The following TSSK2 variants were observed in gnomAD, a reference collection of about 807,000 sequenced individuals.
TSSK2 encodes testis specific serine kinase 2.
In TSSK2, 5 loss-of-function variants were observed where a neutral mutation model predicts 14.2. The observed-to-expected ratio is 0.35, with a 90% CI of 0.18 to 0.74. The LOEUF is 0.74. Among genes scored for constraint, TSSK2 ranks in the 30% least tolerant of loss-of-function variants. The pLI is 0.56. For synonymous variants in TSSK2, 209 were observed against 201.9 expected (o/e 1.04, Z -0.30); for missense variants, 439 against 491.1 (o/e 0.89, Z 1.00).
In TSSK2 at chr22:19,131,363, G is replaced by T; in HGVS notation, c.-37G>T. ...TGCCTGCTGGCCCACATGACGGGGGGATGTAGACGGCAGCGGCGCCAGTCG... is the reference window on the plus strand; with the variant it reads ...TGCCTGCTGGCCCACATGACGGGGGTATGTAGACGGCAGCGGCGCCAGTCG... On this transcript the variant is annotated 5_prime_UTR_variant, in exon 1 of 1. Coordinates refer to ENST00000399635, the MANE Select transcript of TSSK2 (RefSeq NM_053006.5). The surrounding 1 kb of genome is among the most constrained non-coding windows in gnomAD (Gnocchi z 5.7). 1 of 1,531,010 alleles carries T rather than the reference G, an allele frequency of 6.5e-7. No homozygotes were observed. Among genetic ancestry groups the T allele is most frequent in the Non-Finnish European group, 8.9e-7 (1 of 1,126,868 alleles). 94.8% of individuals were successfully genotyped at this position (1,531,010 alleles called of 1,614,324 possible).
In TSSK2 at chr22:19,132,131, G is replaced by A; in HGVS notation, c.732G>A (p.Glu244=). ...DFPRSKNLTC[E]CKDLIYRMLQ... is the part of the protein sequence containing the mutation. ...CGCGCTCCAAGAACCTGACCTGCGA[G>A]TGCAAGGACCTCATCTACCGCATGC... Residue 244 remains glutamate, a synonymous_variant, in exon 1 of 1, where the codon GAG becomes GAA. Transcript: ENST00000399635. The surrounding 1 kb of genome is among the most constrained non-coding windows in gnomAD (Gnocchi z 4.2). 6.2e-7 allele frequency: 1 copy of A among 1,612,860 alleles called. No homozygotes were observed.
In TSSK2 at chr22:19,132,281, C is replaced by T. The variant is rs759143051; in HGVS notation, c.882C>T (p.Arg294=). 12 of 1,613,444 alleles carry T rather than the reference C, an allele frequency of 7.4e-6. No individual in the cohort carries two copies. Among genetic ancestry groups the T allele is most frequent in the East Asian group, 4.5e-5 (2 of 44,870 alleles). The part of the protein sequence containing the change: ...SFKREGEGKY[R]AECKLDTKTG... ...AGAGGGAGGGGGAGGGCAAGTACCG[C>T]GCTGAGTGCAAACTGGACACCAAGA... The change falls in exon 1 of 1, where the codon CGC becomes CGT. Residue 294 remains arginine (R), a synonymous_variant. Coordinates refer to ENST00000399635, the MANE Select transcript of TSSK2 (RefSeq NM_053006.5). The surrounding 1 kb of genome is among the most constrained non-coding windows in gnomAD (Gnocchi z 4.2).
In TSSK2 at chr22:19,132,520, G is replaced by A; in HGVS notation, c.*44G>A. On this transcript the variant is annotated 3_prime_UTR_variant, in exon 1 of 1. Coordinates refer to ENST00000399635, the MANE Select transcript of TSSK2 (RefSeq NM_053006.5). The surrounding 1 kb of genome is among the most constrained non-coding windows in gnomAD (Gnocchi z 4.2). Reference sequence around the variant, plus strand: ...GTGTGTGGTGGGGGTCGGGGTTGGGGGGCATGGTGCAGTCGGCCTTCACGT... The same window carrying A: ...GTGTGTGGTGGGGGTCGGGGTTGGGAGGCATGGTGCAGTCGGCCTTCACGT... 4.5e-6 allele frequency: 7 copies of A among 1,553,138 alleles called. No individual in the cohort carries two copies. Among genetic ancestry groups the A allele is most frequent in the Non-Finnish European group, 6.1e-6 (7 of 1,144,450 alleles).
In TSSK2 at chr22:19,132,377, G is replaced by A; in HGVS notation, c.978G>A (p.Val326=). Residue 326 remains valine, a synonymous_variant, in exon 1 of 1, where the codon GTG becomes GTA. Coordinates refer to ENST00000399635, the MANE Select transcript of TSSK2 (RefSeq NM_053006.5). This position sits in a 1 kb window ranked among gnomAD's most constrained non-coding sequence, Gnocchi z 4.2. ...GAKTQHRLLV[V]PENENRMEDR... ...AAACCCAGCACCGGCTGCTGGTGGTGCCCGAGAACGAGAACAGGATGGAGG... is the reference window on the plus strand; with the variant it reads ...AAACCCAGCACCGGCTGCTGGTGGTACCCGAGAACGAGAACAGGATGGAGG... The A allele has an allele frequency of 6.2e-7, 1 of 1,613,166 alleles. No individual in the cohort carries two copies. The highest frequency in any genetic ancestry group is 8.5e-7 in the Non-Finnish European group (1 of 1,180,026).
rs1569102854 is a variant in TSSK2, at chr22:19,132,011, G to A, written c.612G>A (p.Val204=). ...TGTATGACATCTGGAGCCTGGGCGT[G>A]ATCCTGTACATCATGGTCTGCGGCT... The part of the protein sequence containing the change: ...PKVYDIWSLG[V]ILYIMVCGSM... The change falls in exon 1 of 1, where the codon GTG becomes GTA. Residue 204 remains valine (V), a synonymous_variant. Transcript: ENST00000399635. This position sits in a 1 kb window ranked among gnomAD's most constrained non-coding sequence, Gnocchi z 4.2. 2 of 1,614,152 alleles carry A rather than the reference G, an allele frequency of 1.2e-6. No individual in the cohort carries two copies. The highest frequency in any genetic ancestry group is 4.5e-5 in the East Asian group (2 of 44,886).
chr22:19,132,315 A>T lies in TSSK2; in HGVS notation c.916A>T (p.Arg306Trp). ...ECKLDTKTGL[R>W]PDHRPDHKLG... Reference sequence around the variant, plus strand: ...CAAACTGGACACCAAGACAGGCTTGAGGCCCGACCACCGGCCCGACCACAA... The same window carrying T: ...CAAACTGGACACCAAGACAGGCTTGTGGCCCGACCACCGGCCCGACCACAA... Residue 306 changes from arginine (R) to tryptophan (W), a missense_variant, in exon 1 of 1, where the codon AGG (arginine) becomes TGG (tryptophan). Physicochemically the swap from Arg to Trp is moderately radical, Grantham distance 101. Transcript: ENST00000399635. This position sits in a 1 kb window ranked among gnomAD's most constrained non-coding sequence, Gnocchi z 4.2. 8 of 1,612,932 alleles carry T rather than the reference A, an allele frequency of 5.0e-6. No homozygotes were observed. The highest frequency in any genetic ancestry group is 6.8e-6 in the Non-Finnish European group (8 of 1,179,938).
At position 19,131,531 on chromosome 22, in the gene TSSK2, C is replaced by A. The variant is rs879221219; in HGVS notation, c.132C>A (p.Asp44Glu). The A allele has an allele frequency of 1.9e-6, 3 of 1,614,216 alleles. No individual in the cohort carries two copies. In the Admixed American group the frequency reaches 5.0e-5, roughly 27 times the overall value. The change falls in exon 1 of 1, where the codon GAC becomes GAA. Residue 44 changes from aspartate to glutamate, a missense_variant. Coordinates refer to ENST00000399635, the MANE Select transcript of TSSK2 (RefSeq NM_053006.5). The surrounding 1 kb of genome is among the most constrained non-coding windows in gnomAD (Gnocchi z 5.7). Reference sequence around the variant, plus strand: ...TCAATGTGGCTGTCAAGATCATCGACCGCAAGAAAACACCTACTGACTTTG... The same window carrying A: ...TCAATGTGGCTGTCAAGATCATCGAACGCAAGAAAACACCTACTGACTTTG... ...LKFNVAVKII[D>E]RKKTPTDFVE...
Position 19,131,889 on chromosome 22 carries a change from G to T in TSSK2, c.490G>T (p.Asp164Tyr). 8.1e-6 allele frequency: 13 copies of T among 1,614,140 alleles called. No individual in the cohort carries two copies. The highest frequency in any genetic ancestry group is 1.1e-5 in the Non-Finnish European group (13 of 1,180,030). Residue 164 changes from aspartate to tyrosine, a missense_variant, in exon 1 of 1, where the codon GAC becomes TAC. Asp to Tyr is a radical substitution (Grantham distance 160, BLOSUM62 -3). Coordinates refer to ENST00000399635, the MANE Select transcript of TSSK2 (RefSeq NM_053006.5). This position sits in a 1 kb window ranked among gnomAD's most constrained non-coding sequence, Gnocchi z 5.7. Reference sequence around the variant, plus strand: ...TGGCTTCTCCAAGCGCTGCCTGCGGGACAGCAATGGGCGCATCATCCTCAG... The same window carrying T: ...TGGCTTCTCCAAGCGCTGCCTGCGGTACAGCAATGGGCGCATCATCCTCAG... ...DFGFSKRCLR[D>Y]SNGRIILSKT...
At position 19,131,426 on chromosome 22, in the gene TSSK2, G is replaced by A; in HGVS notation, c.27G>A (p.Lys9=). 6.2e-7 allele frequency: 1 copy of A among 1,611,920 alleles called. No individual in the cohort carries two copies. Among genetic ancestry groups the A allele is most frequent in the Non-Finnish European group, 8.5e-7 (1 of 1,178,654 alleles). The change falls in exon 1 of 1, where the codon AAG becomes AAA. Residue 9 remains lysine, a synonymous_variant. Coordinates refer to ENST00000399635, the MANE Select transcript of TSSK2 (RefSeq NM_053006.5). The surrounding 1 kb of genome is among the most constrained non-coding windows in gnomAD (Gnocchi z 5.7). ...TGGACGATGCCACAGTCCTAAGGAA[G>A]AAGGGTTACATCGTAGGCATCAATC... MDDATVLR[K]KGYIVGINLG...
chr22:19,132,341 G>A lies in TSSK2; in HGVS notation c.942G>A (p.Lys314=). 1 of 1,613,036 alleles carries A rather than the reference G, an allele frequency of 6.2e-7. No homozygotes were observed. Among genetic ancestry groups the A allele is most frequent in the Non-Finnish European group, 8.5e-7 (1 of 1,180,002 alleles). Residue 314 remains lysine, a synonymous_variant, in exon 1 of 1, where the codon AAG becomes AAA. Coordinates refer to ENST00000399635, the MANE Select transcript of TSSK2 (RefSeq NM_053006.5). This position sits in a 1 kb window ranked among gnomAD's most constrained non-coding sequence, Gnocchi z 4.2. ...GGCCCGACCACCGGCCCGACCACAA[G>A]CTTGGAGCCAAAACCCAGCACCGGC... ...GLRPDHRPDH[K]LGAKTQHRLL...
chr22:19,132,165 G>A lies in TSSK2; in HGVS notation c.766G>A (p.Asp256Asn), dbSNP rs1251642761. Residue 256 changes from aspartate to asparagine, a missense_variant, in exon 1 of 1, where the codon GAC becomes AAC. Physicochemically the swap from Asp to Asn is conservative, Grantham distance 23. Coordinates refer to ENST00000399635, the MANE Select transcript of TSSK2 (RefSeq NM_053006.5). This position sits in a 1 kb window ranked among gnomAD's most constrained non-coding sequence, Gnocchi z 4.2. ...CCTCATCTACCGCATGCTGCAGCCC[G>A]ACGTCAGCCAGCGGCTCCACATCGA... ...KDLIYRMLQP[D>N]VSQRLHIDEI... 15 of 1,613,262 alleles carry A rather than the reference G, an allele frequency of 9.3e-6. No individual in the cohort carries two copies. The highest frequency in any genetic ancestry group is 2.2e-5 in the East Asian group (1 of 44,848).
At position 19,131,318 on chromosome 22, in the gene TSSK2, G is replaced by C. The variant is rs878965288; in HGVS notation, c.-82G>C. The C allele has an allele frequency of 7.8e-7, 1 of 1,287,024 alleles. No homozygotes were observed. Among genetic ancestry groups the C allele is most frequent in the Non-Finnish European group, 1.1e-6 (1 of 921,424 alleles). 79.7% of individuals were successfully genotyped at this position (1,287,024 alleles called of 1,614,324 possible). A position where few individuals can be genotyped will look rare whatever the true frequency, so the allele number is the denominator to read the frequency against. ...CAGGGCAGCCCAGCCAGACGCCTCC[G>C]GTAGTGTAAATGAGGACAATGCCTG... is the stretch of plus-strand genomic sequence containing the variant. On this transcript the variant is annotated 5_prime_UTR_variant, in exon 1 of 1. Transcript: ENST00000399635. The surrounding 1 kb of genome is among the most constrained non-coding windows in gnomAD (Gnocchi z 5.7).
In TSSK2 at chr22:19,131,321, A is replaced by T; in HGVS notation, c.-79A>T. On this transcript the variant is annotated 5_prime_UTR_variant, in exon 1 of 1. Coordinates refer to ENST00000399635, the MANE Select transcript of TSSK2 (RefSeq NM_053006.5). The surrounding 1 kb of genome is among the most constrained non-coding windows in gnomAD (Gnocchi z 5.7). ...GGCAGCCCAGCCAGACGCCTCCGGTAGTGTAAATGAGGACAATGCCTGCTG... is the reference window on the plus strand; with the variant it reads ...GGCAGCCCAGCCAGACGCCTCCGGTTGTGTAAATGAGGACAATGCCTGCTG... 7.8e-7 allele frequency: 1 copy of T among 1,278,288 alleles called. No individual in the cohort carries two copies. The highest frequency in any genetic ancestry group is 1.1e-6 in the Non-Finnish European group (1 of 913,094). 79.2% of individuals were successfully genotyped at this position (1,278,288 alleles called of 1,614,324 possible).
rs762250255 is a variant in TSSK2, at chr22:19,131,592, G to C, written c.193G>C (p.Ala65Pro). 5.0e-6 allele frequency: 8 copies of C among 1,613,994 alleles called. No homozygotes were observed. In the African/African-American group the frequency reaches 8.0e-5, roughly 16 times the overall value. ...RFLPREMDIL[A>P]TVNHGSIIKT... ...CCTTCCTCGGGAGATGGACATCCTG[G>C]CAACTGTCAACCACGGCTCCATCAT... is the stretch of plus-strand genomic sequence containing the variant. Residue 65 changes from alanine to proline, a missense_variant, in exon 1 of 1, where the codon GCA (alanine) becomes CCA (proline). Ala to Pro is a conservative substitution (Grantham distance 27, BLOSUM62 -1). Coordinates refer to ENST00000399635, the MANE Select transcript of TSSK2 (RefSeq NM_053006.5). This position sits in a 1 kb window ranked among gnomAD's most constrained non-coding sequence, Gnocchi z 5.7.
At position 19,132,184 on chromosome 22, in the gene TSSK2, A is replaced by C. The variant is rs1460967628; in HGVS notation, c.785A>C (p.His262Pro). The C allele has an allele frequency of 6.2e-7, 1 of 1,613,120 alleles. No individual in the cohort carries two copies. Among genetic ancestry groups the C allele is most frequent in the South Asian group, 1.1e-5 (1 of 91,064 alleles). ...CAGCCCGACGTCAGCCAGCGGCTCC[A>C]CATCGATGAGATCCTCAGCCACTCG... ...MLQPDVSQRL[H>P]IDEILSHSWL... The change falls in exon 1 of 1, where the codon CAC becomes CCC. Residue 262 changes from histidine (H) to proline (P), a missense_variant. By Grantham distance (77) the His-to-Pro change is moderately conservative (BLOSUM62 -2). Coordinates refer to ENST00000399635, the MANE Select transcript of TSSK2 (RefSeq NM_053006.5). The surrounding 1 kb of genome is among the most constrained non-coding windows in gnomAD (Gnocchi z 4.2).
At position 19,131,916 on chromosome 22, in the gene TSSK2, A is replaced by C; in HGVS notation, c.517A>C (p.Lys173Gln). The change falls in exon 1 of 1, where the codon AAG becomes CAG. Residue 173 changes from lysine to glutamine, a missense_variant. By Grantham distance (53) the Lys-to-Gln change is moderately conservative. Transcript: ENST00000399635. The surrounding 1 kb of genome is among the most constrained non-coding windows in gnomAD (Gnocchi z 5.7). ...RDSNGRIILS[K>Q]TFCGSAAYAA... Reference sequence around the variant, plus strand: ...CAGCAATGGGCGCATCATCCTCAGCAAGACCTTCTGCGGGTCGGCAGCATA... The same window carrying C: ...CAGCAATGGGCGCATCATCCTCAGCCAGACCTTCTGCGGGTCGGCAGCATA... The C allele has an allele frequency of 6.2e-7, 1 of 1,614,056 alleles. No homozygotes were observed. The highest frequency in any genetic ancestry group is 8.5e-7 in the Non-Finnish European group (1 of 1,179,950).
rs1274587100 is a variant in TSSK2, at chr22:19,132,615, T to C, written c.*139T>C. 1 of 822,018 alleles carries C rather than the reference T, an allele frequency of 1.2e-6. No individual in the cohort carries two copies. The highest frequency in any genetic ancestry group is 2.0e-6 in the Non-Finnish European group (1 of 508,000). 50.9% of individuals were successfully genotyped at this position (822,018 alleles called of 1,614,324 possible). A position where few individuals can be genotyped will look rare whatever the true frequency, so the allele number is the denominator to read the frequency against. ...TAAAATTCGTCAATTAAACCACTAT[T>C]TTGATTACGTTCCATTAGCTTTCTT... On this transcript the variant is annotated 3_prime_UTR_variant, in exon 1 of 1. Transcript: ENST00000399635. This position sits in a 1 kb window ranked among gnomAD's most constrained non-coding sequence, Gnocchi z 4.2.
Position 19,132,371 on chromosome 22 carries a change from G to A in TSSK2, c.972G>A (p.Leu324=). 1.2e-6 allele frequency: 2 copies of A among 1,613,172 alleles called. No individual in the cohort carries two copies. Among genetic ancestry groups the A allele is most frequent in the Non-Finnish European group, 1.7e-6 (2 of 1,180,010 alleles). ...GAGCCAAAACCCAGCACCGGCTGCT[G>A]GTGGTGCCCGAGAACGAGAACAGGA... is the stretch of plus-strand genomic sequence containing the variant. ...KLGAKTQHRL[L]VVPENENRME... Residue 324 remains leucine, a synonymous_variant, in exon 1 of 1, where the codon CTG becomes CTA. Coordinates refer to ENST00000399635, the MANE Select transcript of TSSK2 (RefSeq NM_053006.5). This position sits in a 1 kb window ranked among gnomAD's most constrained non-coding sequence, Gnocchi z 4.2.
Position 19,132,166 on chromosome 22 carries a change from A to T in TSSK2, c.767A>T (p.Asp256Val). The change falls in exon 1 of 1, where the codon GAC becomes GTC. Residue 256 changes from aspartate (D) to valine (V), a missense_variant. Asp to Val is a radical substitution (Grantham distance 152, BLOSUM62 -3). Transcript: ENST00000399635. This position sits in a 1 kb window ranked among gnomAD's most constrained non-coding sequence, Gnocchi z 4.2. Reference protein sequence around the residue: ...KDLIYRMLQPDVSQRLHIDEI... With the variant: ...KDLIYRMLQPVVSQRLHIDEI... ...CTCATCTACCGCATGCTGCAGCCCG[A>T]CGTCAGCCAGCGGCTCCACATCGAT... 6.2e-7 allele frequency: 1 copy of T among 1,613,132 alleles called. No individual in the cohort carries two copies. The highest frequency in any genetic ancestry group is 8.5e-7 in the Non-Finnish European group (1 of 1,179,304).
Sources: allele counts gnomAD v4.1 joint callset, GRCh38; gene constraint gnomAD v4.1.1; non-coding constraint Gnocchi (gnomAD v3.1); transcripts MANE v1.5; gene names NCBI Gene and HGNC (gene_info 2026-07-23, HGNC 2026-07-21).